Variants in SMARCA4 observed in about 807,000 individuals in gnomAD.
SMARCA4 encodes SWI/SNF-related matrix-associated actin-dependent regulator of chromatin subfamily A member 4.
In SMARCA4, 31 loss-of-function variants were observed where a neutral mutation model predicts 193.9. The observed-to-expected ratio is 0.16, with a 90% CI of 0.12 to 0.22. SMARCA4 has a LOEUF of 0.22. SMARCA4 is among the 10% of genes least tolerant of loss of function. The pLI, the probability that SMARCA4 is intolerant of heterozygous loss-of-function variation, is 1.00. For synonymous variants in SMARCA4, 942 were observed against 933.1 expected, an observed-to-expected ratio of 1.01 and a Z score of -0.17; for missense variants, 1,148 against 2,296.0, an observed-to-expected ratio of 0.50 and a Z score of 10.22.
rs2146646814 is a variant in SMARCA4 at position 11,033,273 on chromosome 19, G to A, written c.3547-17G>A. 1 of 1,604,500 alleles carries A rather than the reference G, an allele frequency of 6.2e-7. No individual in the cohort carries two copies. Among genetic ancestry groups the A allele is most frequent in the Non-Finnish European group, 8.5e-7 (1 of 1,172,500 alleles). On this transcript the variant is annotated splice_polypyrimidine_tract_variant and intron_variant, in intron 25 of 34. Coordinates refer to ENST00000344626, the MANE Select transcript of SMARCA4 (RefSeq NM_003072.5). The surrounding 1 kb of genome is among the most constrained non-coding windows in gnomAD (Gnocchi z 9.8). ...CTCCTGGGCTCCTTTGGGACTGACTGGCACCTCTTCCCCCAGGACCTGCAA... is the reference window on the plus strand; with the variant it reads ...CTCCTGGGCTCCTTTGGGACTGACTAGCACCTCTTCCCCCAGGACCTGCAA...
rs1448974270 is a variant in SMARCA4 at position 11,034,727 on chromosome 19, C to CT, written c.3952-186dup. ...TCCTCTGCCTCCTGAGGCAGAGCCT[C>CT]TAGTCAGGGTCTGACGGAGCCAGGC... On this transcript the variant is annotated intron_variant, in intron 28 of 34. Coordinates refer to ENST00000344626, the MANE Select transcript of SMARCA4 (RefSeq NM_003072.5). The surrounding 1 kb of genome is among the most constrained non-coding windows in gnomAD (Gnocchi z 7.0). Among the ~76,000 whole-genome samples, 1 of 152,168 alleles carries CT rather than the reference C, an allele frequency of 6.6e-6. No individual in the cohort carries two copies. The highest frequency in any genetic ancestry group is 2.4e-5 in the African/African-American group (1 of 41,446).
At chr19:10,983,970 A>G (rs111693893) in intron 1 of SMARCA4, among the ~76,000 whole-genome samples, 151 bp from the exon 2 acceptor site, 1 of 151,996 alleles carries the variant, frequency 6.6e-6, no homozygotes, top group South Asian at 2.1e-4. Context: ...TCTGAGAGTG[A>G]TCATGGAGAA....
intron 1 of SMARCA4, chr19:10,961,633 T>C (rs534276407): frequency 6.6e-6 from 1 of 152,350 alleles, no homozygotes; most frequent in Non-Finnish European, 1.5e-5. Context: ...CCTCCAGATA[T>C]GTCCGGCGTC....
intron 1 of SMARCA4, among the ~76,000 whole-genome samples, chr19:10,977,151 C>G (rs1035398214): frequency 6.6e-6 from 1 of 152,170 alleles, no homozygotes; most frequent in Non-Finnish European, 1.5e-5. Context: ...TCATGGCTGA[C>G]AGCAGGTCCT....
At chr19:11,032,005 G>A (rs1161268456) in intron 25 of SMARCA4, 1 of 152,294 alleles carries the variant, frequency 6.6e-6, no homozygotes, top group African/African-American at 2.4e-5. Context: ...GGTGGTCACT[G>A]GTGGCCCCTT....
At chr19:11,024,278 A>T (rs2146468553) in intron 20 of SMARCA4, 53 bp from the exon 21 acceptor site, 1 of 1,248,100 alleles carries the variant, frequency 8.0e-7, no homozygotes, top group Non-Finnish European at 1.2e-6. Context: ...GGATGGGGGG[A>T]GTCAGGCCTC....
chr19:10,983,769 C>G (rs2085763519), intron 1 of SMARCA4: 3 of 334,756 alleles, frequency 9.0e-6, no homozygotes, highest in Non-Finnish European at 1.7e-5. Context: ...CCTGTTCTTT[C>G]TGTTAGGAAG....
At position 11,041,394 on chromosome 19, in the gene SMARCA4, G is replaced by A. The variant is rs772153816; in HGVS notation, c.4258G>A (p.Gly1420Ser). 6.8e-6 allele frequency: 11 copies of A among 1,612,562 alleles called. No individual in the cohort carries two copies. The highest frequency in any genetic ancestry group is 6.6e-5 in the South Asian group (6 of 91,076). The part of the protein sequence containing the change: ...SRKRKRDSDA[G>S]SSTPTTSTRS... ...GAAGCGCAAGCGAGACAGCGACGCCGGCTCCTCCACCCCGACCACCAGCAC... is the reference window on the plus strand; with the variant it reads ...GAAGCGCAAGCGAGACAGCGACGCCAGCTCCTCCACCCCGACCACCAGCAC... The change falls in exon 30 of 35, where the codon GGC becomes AGC. Residue 1420 changes from glycine (G) to serine (S), a missense_variant. Physicochemically the swap from Gly to Ser is moderately conservative, Grantham distance 56. Around this residue, in one of 17 missense-constraint regions of SMARCA4, gnomAD observed 141 missense variants for 193.0 expected, o/e 0.73. Coordinates refer to ENST00000344626, the MANE Select transcript of SMARCA4 (RefSeq NM_003072.5). This position sits in a 1 kb window ranked among gnomAD's most constrained non-coding sequence, Gnocchi z 5.6.
chr19:10,988,385 G>T (rs751408639), intron 6 of SMARCA4, among the ~76,000 whole-genome samples: 1 of 152,266 alleles, frequency 6.6e-6, no homozygotes, highest in African/African-American at 2.4e-5. Flanking sequence ...GGGATTACAG[G>T]CATGAGCCAC....
intron 29 of SMARCA4, among the ~76,000 whole-genome samples, chr19:11,038,078 G>A (rs2075367885): frequency 6.6e-6 from 1 of 152,212 alleles, no homozygotes; most frequent in African/African-American, 2.4e-5. Flanking sequence ...GGCCATGACT[G>A]TGGCAGCCTA....
intron 23 of SMARCA4, 67 bp from the exon 24 acceptor site, chr19:11,027,717 C>A (rs1046867371): frequency 1.3e-6 from 2 of 1,585,844 alleles, no homozygotes; most frequent in Non-Finnish European, 1.7e-6. Context: ...CACCTCCTGC[C>A]TTACCTGCCT....
At chr19:11,038,891 C>T (rs1289679427) in intron 29 of SMARCA4, among the ~76,000 whole-genome samples, 1 of 152,194 alleles carries the variant, frequency 6.6e-6, no homozygotes, top group Admixed American at 6.5e-5. Context: ...TAAACAATGT[C>T]AGTTGTCAAT....
intron 20 of SMARCA4, among the ~76,000 whole-genome samples, chr19:11,023,979 C>T (rs568615019): frequency 1.3e-5 from 2 of 152,354 alleles, no homozygotes; most frequent in Admixed American, 6.5e-5. Context: ...AGGCCTGCTG[C>T]AGCCACACCC....
intron 30 of SMARCA4, among the ~76,000 whole-genome samples, chr19:11,050,321 G>A (rs532481518): frequency 6.6e-6 from 1 of 152,354 alleles, no homozygotes; most frequent in East Asian, 1.9e-4. Context: ...ACTCCCCACT[G>A]CCTGGAGGCA....
At chr19:11,035,878 G>A (rs1448101697) in intron 29 of SMARCA4, among the ~76,000 whole-genome samples, 1 of 152,228 alleles carries the variant, frequency 6.6e-6, no homozygotes, top group African/African-American at 2.4e-5. Flanking sequence ...CAGGGGCTCT[G>A]AGTTATAGAG....
At position 11,034,411 on chromosome 19, in the gene SMARCA4, C is replaced by T. The variant is rs115687427; in HGVS notation, c.3951+211C>T. On this transcript the variant is annotated intron_variant, in intron 28 of 34. Transcript: ENST00000344626. This position sits in a 1 kb window ranked among gnomAD's most constrained non-coding sequence, Gnocchi z 7.0. ...ATCGGAGGGCGAGATGCACACCCAG[C>T]CTTCTGCATGTGACCCGAGACCTGC... Among the ~76,000 whole-genome samples the T allele has an allele frequency of 1.6e-3, 246 of 152,334 alleles. No homozygotes were observed. The highest frequency in any genetic ancestry group is 5.6e-3 in the African/African-American group (234 of 41,580).
In SMARCA4 at chr19:11,021,720, C is replaced by A. The variant is rs377743250; in HGVS notation, c.2617-5C>A. The A allele has an allele frequency of 6.2e-7, 1 of 1,606,588 alleles. No individual in the cohort carries two copies. Among genetic ancestry groups the A allele is most frequent in the African/African-American group, 1.3e-5 (1 of 74,868 alleles). ...TGCCCTGATTGCCCACTCTGGGGCCCGCAGATCCGTTGGAAGTACATGATT... is the reference window on the plus strand; with the variant it reads ...TGCCCTGATTGCCCACTCTGGGGCCAGCAGATCCGTTGGAAGTACATGATT... On this transcript the variant is annotated splice_region_variant and splice_polypyrimidine_tract_variant and intron_variant, in intron 18 of 34. Coordinates refer to ENST00000344626, the MANE Select transcript of SMARCA4 (RefSeq NM_003072.5).
At chr19:11,059,693 G>A (rs2147110706) in intron 32 of SMARCA4, 60 bp from the exon 33 acceptor site, 13 of 1,538,462 alleles carry the variant, frequency 8.5e-6, no homozygotes, top group South Asian at 1.2e-5. Context: ...TGGGGCCAGG[G>A]CCGGGCAGGC....
intron 33 of SMARCA4, 75 bp downstream of exon 33, chr19:11,059,960 C>T (rs1381914698): frequency 1.9e-6 from 3 of 1,613,006 alleles, no homozygotes; most frequent in South Asian, 1.1e-5. Flanking sequence ...CTTTTCACAG[C>T]CCTCCCGGCT....
Sources: gnomAD v4.1 joint callset for allele counts (sites outside exome capture counted in the v4.1 genomes callset) on GRCh38, gnomAD v4.1.1 for gene constraint, gnomAD v4.1.1 regional missense constraint, Gnocchi (gnomAD v3.1) non-coding constraint, MANE v1.5 for transcripts, NCBI Gene and HGNC (gene_info 2026-07-23, HGNC 2026-07-21) for gene names.